COP1: variants seen among roughly 807,000 people sequenced by gnomAD.
The protein encoded by COP1 is E3 ubiquitin-protein ligase COP1.
A neutral mutation model predicts 101.3 loss-of-function variants in COP1; 24 were observed. The ratio of observed to expected loss-of-function variants is 0.24; its 90% CI spans 0.17 to 0.33. The LOEUF is 0.33. Among genes scored for constraint, COP1 ranks in the 10% least tolerant of loss-of-function variants. The probability of loss-of-function intolerance (pLI) is 1.00; values close to 1 mark genes in which losing one functional copy is unlikely to be tolerated. For missense variants in COP1, 663 were observed against 906.2 expected (o/e 0.73, Z 3.45); for synonymous variants, 347 against 341.9 (o/e 1.01, Z -0.17).
chr1:175,997,852 G>C (rs1449578394), intron 15 of COP1, among the ~76,000 whole-genome samples: 1 of 151,860 alleles, frequency 6.6e-6, no homozygotes, highest in South Asian at 2.1e-4. Context: ...AATTCCTCAG[G>C]GATCTAGAAC....
intron 11 of COP1, among the ~76,000 whole-genome samples, chr1:176,071,873 A>G (rs1396847776): frequency 6.6e-6 from 1 of 152,206 alleles, no homozygotes; most frequent in Non-Finnish European, 1.5e-5. Context: ...AAATTATTTC[A>G]GCTTATGGCT....
At chr1:176,200,030 G>A (rs1217917194) in intron 1 of COP1, among the ~76,000 whole-genome samples, 1 of 152,162 alleles carries the variant, frequency 6.6e-6, no homozygotes, top group African/African-American at 2.4e-5. Context: ...CCTGACCTCT[G>A]AGCCAAATTG....
chr1:176,046,414 C>T (rs920670392), intron 11 of COP1, 90 bp from the exon 12 acceptor site: 5 of 1,144,140 alleles, frequency 4.4e-6, no homozygotes, highest in Non-Finnish European at 6.3e-6. Flanking sequence ...AAAAGATCTA[C>T]TTTAAATACC....
At chr1:176,059,642 C>A (rs1453604125) in intron 11 of COP1, among the ~76,000 whole-genome samples, 1 of 151,986 alleles carries the variant, frequency 6.6e-6, no homozygotes, top group African/African-American at 2.4e-5. Context: ...ACCACCACAC[C>A]TGGCTTATTT....
At chr1:176,087,676 C>A (rs1390843574) in intron 9 of COP1, among the ~76,000 whole-genome samples, 2 of 152,174 alleles carry the variant, frequency 1.3e-5, no homozygotes, top group African/African-American at 4.8e-5. Flanking sequence ...ACTAATTCAA[C>A]CATTGTGGAA....
chr1:176,077,448 A>G (rs920197454), intron 11 of COP1, among the ~76,000 whole-genome samples: 1 of 152,204 alleles, frequency 6.6e-6, no homozygotes, highest in African/African-American at 2.4e-5. Flanking sequence ...ATAAAATCCA[A>G]CATCCCGTCA....
At chr1:176,106,358 G>C (rs1684301946) in intron 9 of COP1, among the ~76,000 whole-genome samples, 1 of 152,104 alleles carries the variant, frequency 6.6e-6, no homozygotes, top group African/African-American at 2.4e-5. Context: ...TTAAAACAAA[G>C]ACCATAACAG....
intron 8 of COP1, among the ~76,000 whole-genome samples, chr1:176,128,433 C>T (rs1688391193): frequency 6.6e-6 from 1 of 151,842 alleles, no homozygotes; most frequent in Admixed American, 6.6e-5. Flanking sequence ...TAAGATTCTT[C>T]AATTATTTTA....
intron 15 of COP1, chr1:176,018,655 C>T (rs1666106786): frequency 6.6e-6 from 1 of 152,018 alleles, no homozygotes; most frequent in South Asian, 2.1e-4. Flanking sequence ...TTATTTTATC[C>T]ATACTAAGTT....
At chr1:176,071,568 C>G (rs773151818) in intron 11 of COP1, among the ~76,000 whole-genome samples, 2 of 151,966 alleles carry the variant, frequency 1.3e-5, no homozygotes, top group Non-Finnish European at 2.9e-5. Context: ...GACAAATATA[C>G]GTGAATATAT....
intron 14 of COP1, among the ~76,000 whole-genome samples, chr1:176,042,224 T>A (rs537775889): frequency 4.2e-5 from 6 of 143,044 alleles, no homozygotes; most frequent in African/African-American, 1.0e-4. Flanking sequence ...TGAGCCGAGA[T>A]TGCGCCACTG....
intron 11 of COP1, among the ~76,000 whole-genome samples, chr1:176,064,919 G>A (rs1364551513): frequency 6.6e-6 from 1 of 152,102 alleles, no homozygotes; most frequent in African/African-American, 2.4e-5. Context: ...CACCATGCCT[G>A]GCCTCCTTCC....
At position 176,093,377 on chromosome 1, in the gene COP1, T is replaced by C. The variant is rs565192101; in HGVS notation, c.1027-7487A>G. ...GTACCAACATATTTTTTAATAATACTAAGATTGTAATTCTAGATTTTAGCC... is the reference window on the plus strand; with the variant it reads ...GTACCAACATATTTTTTAATAATACCAAGATTGTAATTCTAGATTTTAGCC... On this transcript the variant is annotated intron_variant, in intron 9 of 19. Transcript: ENST00000367669. Among the ~76,000 whole-genome samples the C allele has an allele frequency of 2.6e-5, 4 of 152,252 alleles. No individual in the cohort carries two copies. In the South Asian group the frequency reaches 6.2e-4, roughly 24 times the overall value.
intron 2 of COP1, among the ~76,000 whole-genome samples, chr1:176,184,181 T>G (rs1299292723): frequency 1.3e-5 from 2 of 152,146 alleles, no homozygotes; most frequent in Non-Finnish European, 2.9e-5. Flanking sequence ...TAACCTGGCA[T>G]GATATAATGT....
chr1:176,007,545 G>T (rs75946592), intron 15 of COP1, among the ~76,000 whole-genome samples: 37,042 of 145,514 alleles, frequency 0.25, 5,697 homozygotes, highest in East Asian at 0.47. Flanking sequence ...TTTCTGTTTG[G>T]TAGTTTTCCT....
At position 176,163,025 on chromosome 1, in the gene COP1, A is replaced by G. The variant is rs75771887; in HGVS notation, c.643-37T>C. 3.8e-3 allele frequency: 6,079 copies of G among 1,585,528 alleles called. 173 individuals are homozygous for G. In the African/African-American group the frequency reaches 0.065, roughly 17 times the overall value. ...GAAAGAAGAAACACAACAACTTCCT[A>G]TGAAGACTGTTTTAGAGACTAAAAC... On this transcript the variant is annotated intron_variant, in intron 4 of 19. Transcript: ENST00000367669.
chr1:176,175,354 C>A (rs1161449824), intron 3 of COP1, among the ~76,000 whole-genome samples: 1 of 152,198 alleles, frequency 6.6e-6, no homozygotes, highest in Non-Finnish European at 1.5e-5. Context: ...CAGTCCCCAA[C>A]CTTTTTGGGA....
rs1168528672 is a variant in COP1, at chr1:175,987,066, T to A, written c.2010A>T (p.Gly670=). The A allele has an allele frequency of 1.3e-6, 2 of 1,569,472 alleles. No homozygotes were observed. Among genetic ancestry groups the A allele is most frequent in the Non-Finnish European group, 1.8e-6 (2 of 1,142,686 alleles). The change falls in exon 18 of 20, where the codon GGA becomes GGT. Residue 670 remains glycine (G), a synonymous_variant. Transcript: ENST00000367669. ...ENNSLYLYYK[G]LSKTLLTFKF... is the part of the protein sequence containing the mutation. ...TAAAAGTTAGCAAAGTCTTAGAAAGTCCTTTATAGTACAGGTAGAGAGAGT... is the reference window on the plus strand; with the variant it reads ...TAAAAGTTAGCAAAGTCTTAGAAAGACCTTTATAGTACAGGTAGAGAGAGT...
rs568135593 is a variant in COP1, at chr1:176,181,468, T to A, written c.467+3165A>T. On this transcript the variant is annotated intron_variant, in intron 2 of 19. Transcript: ENST00000367669. ...CAGTATAGCAAGCCTGATGTTGGAA[T>A]TGACAGCCTCCAGTTTTAATAGTTC... is the stretch of plus-strand genomic sequence containing the variant. 3.3e-5 allele frequency among the ~76,000 whole-genome samples: 5 copies of A among 151,964 alleles called. 1 individual carries two copies. Among genetic ancestry groups the A allele is most frequent in the African/African-American group, 1.2e-4 (5 of 41,492 alleles).
Sources: allele counts gnomAD v4.1 joint callset (sites outside exome capture counted in the v4.1 genomes callset), GRCh38; gene constraint gnomAD v4.1.1; transcripts MANE v1.5; gene names NCBI Gene and HGNC (gene_info 2026-07-23, HGNC 2026-07-21).